Variants in KITLG observed in about 807,000 individuals in gnomAD.
KITLG encodes the protein KIT ligand.
Under a neutral mutation model 34.1 loss-of-function variants are expected in KITLG, and 13 were observed. That is an observed-to-expected ratio of 0.38 (90% confidence interval 0.25 to 0.61). KITLG has a LOEUF of 0.61. Among genes scored for constraint, KITLG ranks in the 20% least tolerant of loss-of-function variants. The probability of loss-of-function intolerance (pLI) is 0.60; values close to 1 mark genes in which losing one functional copy is unlikely to be tolerated. For missense variants in KITLG, 292 were observed against 318.9 expected (o/e 0.92, Z 0.64); for synonymous variants, 110 against 104.0 (o/e 1.06, Z -0.35).
chr12:88,560,435 A>T (rs1317363943), intron 1 of KITLG, among the ~76,000 whole-genome samples: 1 of 152,194 alleles, frequency 6.6e-6, no homozygotes, highest in Non-Finnish European at 1.5e-5. Flanking sequence ...AATTGTAAAC[A>T]ATCTCATTTA....
chr12:88,561,052 G>T lies in KITLG; in HGVS notation c.16-15187C>A, dbSNP rs149499277. ...GCACAGAGAAGTGGTATAGAGGAGG[G>T]GGTTGGAAAACATCAACCTTAGAAT... On this transcript the variant is annotated intron_variant, in intron 1 of 9. Coordinates refer to ENST00000644744, the MANE Select transcript of KITLG (RefSeq NM_000899.5). Among the ~76,000 whole-genome samples the T allele has an allele frequency of 5.3e-5, 8 of 151,766 alleles. No homozygotes were observed. The East Asian group carries it at 1.6e-3, about 30-fold the overall frequency.
At chr12:88,575,868 C>T (rs1871808171) in intron 1 of KITLG, among the ~76,000 whole-genome samples, 1 of 151,814 alleles carries the variant, frequency 6.6e-6, no homozygotes, top group Non-Finnish European at 1.5e-5. Flanking sequence ...CAAAAGGGAA[C>T]ATTAAGATAA....
intron 1 of KITLG, among the ~76,000 whole-genome samples, chr12:88,568,372 C>T (rs1871523729): frequency 1.3e-5 from 2 of 151,930 alleles, no homozygotes; most frequent in South Asian, 4.2e-4. Context: ...GTTGCCCAGG[C>T]TGTTCTCAAA....
intron 3 of KITLG, among the ~76,000 whole-genome samples, chr12:88,520,926 CTTAGAG>C (rs1391534924): frequency 6.6e-6 from 1 of 152,118 alleles, no homozygotes; most frequent in African/African-American, 2.4e-5. Context: ...CCTGTGCTTT[CTTAGAG>C]TTAAACCATG....
intron 1 of KITLG, among the ~76,000 whole-genome samples, chr12:88,565,155 C>G (rs1871403916): frequency 6.6e-6 from 1 of 152,204 alleles, no homozygotes. Context: ...TAGACAAAGA[C>G]TATACATCTC....
Position 88,527,090 on chromosome 12 carries a change from G to A in KITLG, c.192+5351C>T, listed in dbSNP as rs1325024625. Among the ~76,000 whole-genome samples the A allele has an allele frequency of 3.3e-5, 5 of 151,956 alleles. No individual in the cohort carries two copies. The East Asian group carries it at 7.8e-4, about 24-fold the overall frequency. ...TCACTGTGTTAACCAGGATGGTCTC[G>A]ATCTCCTGACCTCATGATCCACCTG... On this transcript the variant is annotated intron_variant, in intron 3 of 9. Transcript: ENST00000644744.
chr12:88,503,045 C>A (rs1057384298), intron 9 of KITLG, among the ~76,000 whole-genome samples: 1 of 152,084 alleles, frequency 6.6e-6, no homozygotes, highest in Non-Finnish European at 1.5e-5. Context: ...TATCCATTTA[C>A]ATTATTTGAC....
chr12:88,560,321 C>G (rs1021849229), intron 1 of KITLG, among the ~76,000 whole-genome samples: 3 of 152,140 alleles, frequency 2.0e-5, no homozygotes, highest in African/African-American at 7.2e-5. Context: ...CTTTATTGAT[C>G]CCTTAAATAT....
intron 1 of KITLG, among the ~76,000 whole-genome samples, chr12:88,559,079 A>G (rs1871204053): frequency 6.6e-6 from 1 of 152,214 alleles, no homozygotes; most frequent in African/African-American, 2.4e-5. Flanking sequence ...AATTAAAAAC[A>G]AAAAAGATAA....
Position 88,506,350 on chromosome 12 carries a change from A to G in KITLG, c.743T>C (p.Val248Ala). Residue 248 changes from valine to alanine, a missense_variant, in exon 8 of 10, where the codon GTT becomes GCT. By Grantham distance (64) the Val-to-Ala change is moderately conservative. This residue lies in a region of KITLG where 140 missense variants were observed against 111.0 expected (regional missense o/e 1.26). Coordinates refer to ENST00000644744, the MANE Select transcript of KITLG (RefSeq NM_000899.5). The part of the protein sequence containing the change: ...KKRQPSLTRA[V>A]ENIQINEEDN... ...CTCTTCATTAATTTGTATATTTTCA[A>G]CTGCCCTTGTAAGACTTGGCTGTCT... is the stretch of plus-strand genomic sequence containing the variant. 1 of 1,610,566 alleles carries G rather than the reference A, an allele frequency of 6.2e-7. No individual in the cohort carries two copies. The highest frequency in any genetic ancestry group is 8.5e-7 in the Non-Finnish European group (1 of 1,176,820).
At chr12:88,531,188 A>G (rs984010702) in intron 3 of KITLG, among the ~76,000 whole-genome samples, 2 of 152,194 alleles carry the variant, frequency 1.3e-5, no homozygotes, top group Non-Finnish European at 2.9e-5. Flanking sequence ...TGTCTTATGT[A>G]TGGGTGCATA....
chr12:88,543,363 T>G (rs1183847005), intron 2 of KITLG, among the ~76,000 whole-genome samples: 3 of 152,172 alleles, frequency 2.0e-5, no homozygotes, highest in African/African-American at 7.2e-5. Flanking sequence ...CATGCGGTGT[T>G]TGGTTTTCTG....
At chr12:88,571,384 T>C (rs1871645674) in intron 1 of KITLG, among the ~76,000 whole-genome samples, 1 of 152,190 alleles carries the variant, frequency 6.6e-6, no homozygotes, top group Non-Finnish European at 1.5e-5. Flanking sequence ...GGTTGGTAAG[T>C]GGCAGAACCA....
At chr12:88,527,469 G>T (rs1373980913) in intron 3 of KITLG, among the ~76,000 whole-genome samples, 2 of 152,178 alleles carry the variant, frequency 1.3e-5, no homozygotes, top group Non-Finnish European at 2.9e-5. Flanking sequence ...AGTTTGGAAG[G>T]CTTATTGTTA....
At chr12:88,567,417 A>G (rs1871479405) in intron 1 of KITLG, among the ~76,000 whole-genome samples, 1 of 152,214 alleles carries the variant, frequency 6.6e-6, no homozygotes, top group African/African-American at 2.4e-5. Context: ...GCACTCCATC[A>G]AAAAGAACAT....
At chr12:88,549,169 G>A (rs1870813248) in intron 1 of KITLG, among the ~76,000 whole-genome samples, 2 of 152,170 alleles carry the variant, frequency 1.3e-5, no homozygotes, top group Non-Finnish European at 2.9e-5. Flanking sequence ...AGATGATGAT[G>A]TCAGAGAGAC....
chr12:88,517,506 TTTG>T (rs1869500366), intron 4 of KITLG, among the ~76,000 whole-genome samples: 1 of 152,092 alleles, frequency 6.6e-6, no homozygotes, highest in African/African-American at 2.4e-5. Context: ...ATGCACATTC[TTTG>T]TTGTTTGCAG....
intron 2 of KITLG, among the ~76,000 whole-genome samples, chr12:88,538,984 T>A (rs1452204702): frequency 1.3e-5 from 2 of 152,282 alleles, no homozygotes; most frequent in Non-Finnish European, 2.9e-5. Flanking sequence ...TGGAAAAACA[T>A]CCATGGGAGA....
chr12:88,507,222 C>A, intron 6 of KITLG, 85 bp from the exon 7 acceptor site: 3 of 825,342 alleles, frequency 3.6e-6, no homozygotes, highest in Non-Finnish European at 6.3e-6. Flanking sequence ...TTAACTGTTT[C>A]TGTAACACAT....
Sources: gnomAD v4.1 joint callset for allele counts (sites outside exome capture counted in the v4.1 genomes callset) on GRCh38, gnomAD v4.1.1 for gene constraint, gnomAD v4.1.1 regional missense constraint, MANE v1.5 for transcripts, NCBI Gene and HGNC (gene_info 2026-07-23, HGNC 2026-07-21) for gene names.